Variants in PGM5 observed in about 807,000 individuals in gnomAD.
PGM5 encodes the protein phosphoglucomutase-like protein 5.
A neutral mutation model predicts 59.2 loss-of-function variants in PGM5; 23 were observed. The observed-to-expected ratio is 0.39, with a 90% CI of 0.28 to 0.55. The LOEUF (loss-of-function observed/expected upper bound fraction) is 0.55. Ranked by LOEUF, PGM5 falls within the 20% of genes least tolerant of loss-of-function variation. The probability of loss-of-function intolerance (pLI) is 0.66; values close to 1 mark genes in which losing one functional copy is unlikely to be tolerated. For synonymous variants in PGM5, 214 were observed against 286.0 expected (o/e 0.75, Z 2.54); for missense variants, 574 against 748.3 (o/e 0.77, Z 2.72).
chr9:68,476,026 A>C (rs1052775371), intron 7 of PGM5, among the ~76,000 whole-genome samples: 7 of 152,186 alleles, frequency 4.6e-5, no homozygotes, highest in African/African-American at 1.7e-4. Context: ...GTCTCAGAAA[A>C]ATCAAAACAA....
At chr9:68,496,638 G>C (rs571436908) in intron 9 of PGM5, among the ~76,000 whole-genome samples, 22 of 152,334 alleles carry the variant, frequency 1.4e-4, no homozygotes, top group Non-Finnish European at 2.9e-4. Context: ...TTCTAGGCAT[G>C]TAGCATGTAG....
chr9:68,505,515 A>G (rs868992029), intron 10 of PGM5, among the ~76,000 whole-genome samples: 7 of 152,340 alleles, frequency 4.6e-5, no homozygotes, highest in Admixed American at 6.5e-5. Context: ...AGGGTTTTCT[A>G]CAATCCCCCT....
At chr9:68,400,697 A>G (rs1335290013) in intron 6 of PGM5, 2 of 152,606 alleles carry the variant, frequency 1.3e-5, no homozygotes, top group African/African-American at 4.8e-5. Flanking sequence ...TGGATATAAT[A>G]AAACTATGCC....
intron 6 of PGM5, among the ~76,000 whole-genome samples, chr9:68,463,310 G>A (rs1000292189): frequency 5.3e-5 from 8 of 151,816 alleles, no homozygotes; most frequent in African/African-American, 1.7e-4. Context: ...CCACTCTACG[G>A]TCATCCCCTG....
Position 68,396,553 on chromosome 9 carries a change from C to A in PGM5, c.1043+4080C>A, listed in dbSNP as rs1467245299. ...CTCTGTTTCAGTCAGAAACCAGAGG[C>A]CTTGCTTAGAAATTTCACAAAGGAC... On this transcript the variant is annotated intron_variant, in intron 6 of 10. Transcript: ENST00000396396. 2.6e-5 allele frequency: 4 copies of A among 152,358 alleles called. No homozygotes were observed. In the East Asian group the frequency reaches 7.7e-4, roughly 29 times the overall value. 9.4% of individuals were successfully genotyped at this position (152,358 alleles called of 1,614,324 possible).
At chr9:68,359,111 C>T (rs1834527165) in intron 1 of PGM5, among the ~76,000 whole-genome samples, 1 of 152,140 alleles carries the variant, frequency 6.6e-6, no homozygotes, top group Non-Finnish European at 1.5e-5. Flanking sequence ...TTTGAAGCTA[C>T]GGTTGTTGAT....
At chr9:68,369,422 T>C (rs1834743403) in intron 1 of PGM5, among the ~76,000 whole-genome samples, 1 of 152,184 alleles carries the variant, frequency 6.6e-6, no homozygotes, top group African/African-American at 2.4e-5. Context: ...CTTATCCAGC[T>C]GGGGTGGTCA....
chr9:68,433,736 G>A (rs562481690), intron 6 of PGM5, among the ~76,000 whole-genome samples: 7 of 152,330 alleles, frequency 4.6e-5, no homozygotes, highest in African/African-American at 1.7e-4. Context: ...CAGCACTCAT[G>A]TGATAGTGAT....
At chr9:68,464,067 A>G (rs1823896623) in intron 6 of PGM5, among the ~76,000 whole-genome samples, 1 of 152,182 alleles carries the variant, frequency 6.6e-6, no homozygotes, top group Non-Finnish European at 1.5e-5. Context: ...AGTTTGCACA[A>G]TAGGATTTAT....
At chr9:68,463,206 A>G (rs74706355) in intron 6 of PGM5, among the ~76,000 whole-genome samples, 13,227 of 149,300 alleles carry the variant, frequency 0.089, 1,537 homozygotes, top group African/African-American at 0.27. Context: ...TCCTTATTTG[A>G]CCACAAAGCC....
chr9:68,362,175 A>G (rs1554676315), intron 1 of PGM5, among the ~76,000 whole-genome samples: 1 of 150,666 alleles, frequency 6.6e-6, no homozygotes, highest in Non-Finnish European at 1.5e-5. Context: ...CAACTGGGTT[A>G]TTTGGCTACC....
chr9:68,425,006 C>T (rs1487148970), intron 6 of PGM5, among the ~76,000 whole-genome samples: 1 of 152,118 alleles, frequency 6.6e-6, no homozygotes, highest in Non-Finnish European at 1.5e-5. Context: ...TTGGTATAAT[C>T]CTCTAGCTCT....
chr9:68,525,235 GTC>G (rs1432049514), intron 10 of PGM5, among the ~76,000 whole-genome samples: 1 of 152,162 alleles, frequency 6.6e-6, no homozygotes, highest in Non-Finnish European at 1.5e-5. Flanking sequence ...GCCCACAGGA[GTC>G]TCTATTTGCC....
intron 6 of PGM5, among the ~76,000 whole-genome samples, chr9:68,455,333 T>G (rs1268135310): frequency 6.6e-6 from 1 of 152,140 alleles, no homozygotes; most frequent in African/African-American, 2.4e-5. Flanking sequence ...GTTTTGGCCC[T>G]GAGAGATATT....
Position 68,452,929 on chromosome 9 carries a change from A to G in PGM5, c.1044-12164A>G, listed in dbSNP as rs76547235. Among the ~76,000 whole-genome samples the G allele has an allele frequency of 5.2e-3, 796 of 152,350 alleles. 2 individuals are homozygous for G. The highest frequency in any genetic ancestry group is 0.018 in the African/African-American group (750 of 41,580). ...TTGATGTGAGTTAAAAGCATTTAACATAGTCCTTCTTCTCCCTTGCTCTTC... is the reference window on the plus strand; with the variant it reads ...TTGATGTGAGTTAAAAGCATTTAACGTAGTCCTTCTTCTCCCTTGCTCTTC... On this transcript the variant is annotated intron_variant, in intron 6 of 10. Coordinates refer to ENST00000396396, the MANE Select transcript of PGM5 (RefSeq NM_021965.4).
chr9:68,401,018 G>A (rs1292557836), intron 6 of PGM5, among the ~76,000 whole-genome samples: 1 of 151,974 alleles, frequency 6.6e-6, no homozygotes, highest in Non-Finnish European at 1.5e-5. Context: ...GCTGAGACTG[G>A]TTCAAGTCTG....
At chr9:68,382,828 T>C (rs185905985) in intron 2 of PGM5, among the ~76,000 whole-genome samples, 1 of 151,850 alleles carries the variant, frequency 6.6e-6, no homozygotes, top group African/African-American at 2.4e-5. Flanking sequence ...GACAACTATC[T>C]AGAGAGACAG....
chr9:68,406,044 T>C (rs1822802178), intron 6 of PGM5: 1 of 152,130 alleles, frequency 6.6e-6, no homozygotes, highest in African/African-American at 2.4e-5. Flanking sequence ...ACAGGGAATG[T>C]AGTTTAAGAA....
intron 10 of PGM5, among the ~76,000 whole-genome samples, chr9:68,514,303 T>A (rs1824793099): frequency 1.3e-5 from 2 of 151,948 alleles, no homozygotes; most frequent in Admixed American, 6.6e-5. Flanking sequence ...GCCCTATCTC[T>A]AAAAAAAGAA....
Sources: gnomAD v4.1 joint callset for allele counts (sites outside exome capture counted in the v4.1 genomes callset) on GRCh38, gnomAD v4.1.1 for gene constraint, MANE v1.5 for transcripts, NCBI Gene and HGNC (gene_info 2026-07-23, HGNC 2026-07-21) for gene names.